Variants in ARHGEF10 observed in about 807,000 individuals in gnomAD.
ARHGEF10 encodes the protein Rho guanine nucleotide exchange factor (GEF) 10.
In ARHGEF10, 140 loss-of-function variants were observed where a neutral mutation model predicts 147.4. That is an observed-to-expected ratio of 0.95 (90% CI 0.83 to 1.09). The LOEUF is 1.09. Among genes scored for constraint, ARHGEF10 ranks in the 50% least tolerant of loss-of-function variants. The pLI is 0.00. For missense variants in ARHGEF10, 2,222 were observed against 1,752.7 expected (o/e 1.27, Z -4.78); for synonymous variants, 902 against 695.8 (o/e 1.30, Z -4.67).
In ARHGEF10 at chr8:1,928,502, T is replaced by A. The variant is rs1314085717; in HGVS notation, c.2773T>A (p.Cys925Ser). The stretch of plus-strand genomic sequence containing the variant: ...AAATTCCACTCCCAAAGTCATTGAG[T>A]GCTTCAACGTGGAATCTCGCATCCT... The part of the protein sequence containing the change: ...FQNSTPKVIE[C>S]FNVESRILCM... The change falls in exon 24 of 29, where the codon TGC (cysteine) becomes AGC (serine). Residue 925 changes from cysteine (C) to serine (S), a missense_variant. Transcript: ENST00000349830. 2 of 1,614,164 alleles carry A rather than the reference T, an allele frequency of 1.2e-6. No individual in the cohort carries two copies. Among genetic ancestry groups the A allele is most frequent in the South Asian group, 2.2e-5 (2 of 91,080 alleles).
Position 1,957,558 on chromosome 8 carries a change from A to G in ARHGEF10, c.*295A>G. ...ACATTCTTTTTGACTGCTGTAGTCC[A>G]TATGTGAATACTAAATGTTAAACTT... is the stretch of plus-strand genomic sequence containing the variant. On this transcript the variant is annotated 3_prime_UTR_variant, in exon 29 of 29. Coordinates refer to ENST00000349830, the MANE Select transcript of ARHGEF10 (RefSeq NM_014629.4). The G allele has an allele frequency of 1.9e-6, 1 of 519,856 alleles. No individual in the cohort carries two copies. Among genetic ancestry groups the G allele is most frequent in the Non-Finnish European group, 3.4e-6 (1 of 291,252 alleles). The allele number at this position is 519,856 out of a possible 1,614,324, so 32.2% of individuals were successfully genotyped here. A position where few individuals can be genotyped will look rare whatever the true frequency, so the allele number is the denominator to read the frequency against.
chr8:1,916,679 AT>A (rs945995294), intron 18 of ARHGEF10, among the ~76,000 whole-genome samples: 209 of 152,300 alleles, frequency 1.4e-3, no homozygotes, highest in African/African-American at 4.8e-3. Flanking sequence ...TATACTTTCC[AT>A]GTTAGAAAAC....
chr8:1,902,109 C>G (rs952361728), intron 15 of ARHGEF10, among the ~76,000 whole-genome samples: 1 of 152,068 alleles, frequency 6.6e-6, no homozygotes, highest in African/African-American at 2.4e-5. Context: ...TTTTAAGCCC[C>G]GCGTGCATTA....
intron 2 of ARHGEF10, among the ~76,000 whole-genome samples, chr8:1,855,191 CT>C (rs1181760306): frequency 6.6e-6 from 1 of 152,112 alleles, no homozygotes; most frequent in African/African-American, 2.4e-5. Context: ...CATTGTCAAG[CT>C]TTTTTAAAAA....
intron 1 of ARHGEF10, among the ~76,000 whole-genome samples, chr8:1,833,261 G>C (rs1803357665): frequency 6.7e-6 from 1 of 149,984 alleles, no homozygotes; most frequent in Non-Finnish European, 1.5e-5. Flanking sequence ...CCGAGACAGA[G>C]GCAGAGGCAG....
intron 26 of ARHGEF10, among the ~76,000 whole-genome samples, chr8:1,938,060 G>C (rs532111963): frequency 1.3e-5 from 2 of 152,206 alleles, no homozygotes; most frequent in Non-Finnish European, 2.9e-5. Flanking sequence ...CCACCTGTCT[G>C]TCAGGGCCGT....
At chr8:1,835,106 C>G (rs1807247) in intron 1 of ARHGEF10, among the ~76,000 whole-genome samples, 90,255 of 152,190 alleles carry the variant, frequency 0.59, 27,083 homozygotes, top group Middle Eastern at 0.72. Context: ...TCCCACGCTC[C>G]TGCATTCTGT....
At chr8:1,933,768 A>T in intron 25 of ARHGEF10, 32 bp from the exon 26 acceptor site, 1 of 1,614,044 alleles carries the variant, frequency 6.2e-7, no homozygotes, top group South Asian at 1.1e-5. Context: ...CAGAAAACTG[A>T]ACTTGAATGA....
At chr8:1,888,817 A>AGTATTGT (rs1413298809) in intron 11 of ARHGEF10, among the ~76,000 whole-genome samples, 1 of 60,464 alleles carries the variant, frequency 1.7e-5, no homozygotes. Context: ...GAGTGGGGTG[A>AGTATTGT]GAGTTATGAG....
chr8:1,946,439 G>A (rs777926763), intron 27 of ARHGEF10, among the ~76,000 whole-genome samples: 7 of 152,220 alleles, frequency 4.6e-5, no homozygotes, highest in Non-Finnish European at 8.8e-5. Flanking sequence ...CGGGGAGCAC[G>A]GTGCCTGCAG....
In ARHGEF10 at chr8:1,909,303, A is replaced by G; in HGVS notation, c.1976A>G (p.His659Arg). 1 of 1,614,206 alleles carries G rather than the reference A, an allele frequency of 6.2e-7. No individual in the cohort carries two copies. The highest frequency in any genetic ancestry group is 8.5e-7 in the Non-Finnish European group (1 of 1,180,030). Residue 659 changes from histidine (H) to arginine (R), a missense_variant, in exon 18 of 29, where the codon CAT becomes CGT. Physicochemically the swap from His to Arg is conservative, Grantham distance 29. Transcript: ENST00000349830. ...TCTTTTGGTCGTTTCAGCCCCTCTC[A>G]TGACAGCCGTGTGATGAGCAGCCAG... ...MCATVSSRPS[H>R]DSRVMSSQRY... is the part of the protein sequence containing the mutation.
chr8:1,912,783 A>G (rs532875563), intron 18 of ARHGEF10, among the ~76,000 whole-genome samples: 3 of 152,098 alleles, frequency 2.0e-5, no homozygotes, highest in African/African-American at 4.8e-5. Flanking sequence ...TAAGCTCCCA[A>G]ACTCCCTGAT....
At chr8:1,893,949 G>A (rs1809757411) in intron 12 of ARHGEF10, among the ~76,000 whole-genome samples, 1 of 152,036 alleles carries the variant, frequency 6.6e-6, no homozygotes, top group African/African-American at 2.4e-5. Context: ...TGAGTCAGGT[G>A]GATTGCCTGA....
chr8:1,918,961 G>A (rs542690693), intron 18 of ARHGEF10, among the ~76,000 whole-genome samples: 6 of 152,040 alleles, frequency 3.9e-5, no homozygotes, highest in African/African-American at 1.4e-4. Flanking sequence ...GCTGTTCTGT[G>A]GGTGACGGAG....
chr8:1,866,688 TC>T, intron 6 of ARHGEF10, 86 bp downstream of exon 6: 1 of 1,181,852 alleles, frequency 8.5e-7, no homozygotes, highest in Non-Finnish European at 1.2e-6. Flanking sequence ...GAGTCTCAGG[TC>T]CCATCAGATC....
intron 22 of ARHGEF10, among the ~76,000 whole-genome samples, chr8:1,926,034 A>G (rs1246017092): frequency 6.6e-6 from 1 of 152,192 alleles, no homozygotes; most frequent in East Asian, 1.9e-4. Flanking sequence ...GGGGTGGGAC[A>G]GGGAAGGGGA....
intron 8 of ARHGEF10, among the ~76,000 whole-genome samples, chr8:1,879,589 G>A (rs1436511659): frequency 6.7e-6 from 1 of 148,604 alleles, no homozygotes; most frequent in African/African-American, 2.5e-5. Flanking sequence ...GTCTTACTCT[G>A]TCTGCCAGGC....
intron 10 of ARHGEF10, among the ~76,000 whole-genome samples, chr8:1,885,059 C>G (rs1201271198): frequency 6.6e-6 from 1 of 152,202 alleles, no homozygotes; most frequent in African/African-American, 2.4e-5. Context: ...GCCACCCCAC[C>G]CAACTGTGAA....
chr8:1,952,879 G>T (rs780714099), intron 28 of ARHGEF10, 52 bp downstream of exon 28: 16 of 1,612,332 alleles, frequency 9.9e-6, no homozygotes, highest in Non-Finnish European at 1.4e-5. Context: ...CAGGCTCGTG[G>T]AGCATAGCAG....
Sources: allele counts gnomAD v4.1 joint callset (sites outside exome capture counted in the v4.1 genomes callset), GRCh38; gene constraint gnomAD v4.1.1; transcripts MANE v1.5; gene names NCBI Gene and HGNC (gene_info 2026-07-23, HGNC 2026-07-21).